RCAN2: variants seen among roughly 807,000 people sequenced by gnomAD.
The protein encoded by RCAN2 is regulator of calcineurin 2.
RCAN2 carries 9 observed loss-of-function variants against 23.6 expected under a neutral mutation model. The ratio of observed to expected loss-of-function variants is 0.38; its 90% CI spans 0.23 to 0.67. The LOEUF (loss-of-function observed/expected upper bound fraction) is 0.67. Among genes scored for constraint, RCAN2 ranks in the 30% least tolerant of loss-of-function variants. The pLI, the probability that RCAN2 is intolerant of heterozygous loss-of-function variation, is 0.51. For missense variants in RCAN2, 273 were observed against 302.3 expected, an observed-to-expected ratio of 0.90 and a Z score of 0.72; for synonymous variants, 109 against 115.7, an observed-to-expected ratio of 0.94 and a Z score of 0.37.
At chr6:46,301,770 T>C (rs1762909916) in intron 2 of RCAN2, among the ~76,000 whole-genome samples, 1 of 151,898 alleles carries the variant, frequency 6.6e-6, no homozygotes, top group Admixed American at 6.6e-5. Context: ...CATAGAAAAT[T>C]AAAGGCAGAT....
intron 2 of RCAN2, among the ~76,000 whole-genome samples, chr6:46,252,157 A>G (rs1766752725): frequency 6.6e-6 from 1 of 152,172 alleles, no homozygotes; most frequent in Admixed American, 6.5e-5. Flanking sequence ...GCAACAAGAT[A>G]CCAGACCAAA....
At chr6:46,235,869 C>A (rs1332794313) in intron 4 of RCAN2, among the ~76,000 whole-genome samples, 1 of 152,180 alleles carries the variant, frequency 6.6e-6, no homozygotes, top group Non-Finnish European at 1.5e-5. Context: ...CAGAATAAGC[C>A]ACCTAAGACA....
chr6:46,413,038 A>C (rs1210688737), intron 2 of RCAN2, among the ~76,000 whole-genome samples: 7 of 152,240 alleles, frequency 4.6e-5, no homozygotes, highest in African/African-American at 1.7e-4. Flanking sequence ...ATTGTCTTTA[A>C]TCAAAGTTGT....
chr6:46,484,152 T>C (rs1173231373), intron 1 of RCAN2, among the ~76,000 whole-genome samples: 5 of 152,192 alleles, frequency 3.3e-5, no homozygotes, highest in African/African-American at 1.2e-4. Flanking sequence ...GACAAATTTA[T>C]GGGGGAAAAT....
At chr6:46,288,777 A>C (rs1762450112) in intron 2 of RCAN2, among the ~76,000 whole-genome samples, 1 of 152,222 alleles carries the variant, frequency 6.6e-6, no homozygotes, top group African/African-American at 2.4e-5. Context: ...CCCAGTTCTA[A>C]TGACATAGCC....
chr6:46,354,895 ATATGTGTGTGTG>A (rs1046898087), intron 2 of RCAN2, among the ~76,000 whole-genome samples: 22 of 136,216 alleles, frequency 1.6e-4, no homozygotes, highest in African/African-American at 6.1e-4. Context: ...AAAAGATTAT[ATATGTGTGTGTG>A]TGTGTGTGTG....
At chr6:46,409,511 A>G (rs866850348) in intron 2 of RCAN2, among the ~76,000 whole-genome samples, 6 of 152,212 alleles carry the variant, frequency 3.9e-5, no homozygotes, top group Non-Finnish European at 7.3e-5. Context: ...CACATTGTCA[A>G]GAGAGTACAG....
chr6:46,414,128 G>A (rs1401441520), intron 2 of RCAN2, among the ~76,000 whole-genome samples: 1 of 152,154 alleles, frequency 6.6e-6, no homozygotes, highest in Non-Finnish European at 1.5e-5. Flanking sequence ...GGCCAGTGAG[G>A]AGACTGAGGT....
chr6:46,480,305 TGTGGG>T (rs1768824152), intron 1 of RCAN2, among the ~76,000 whole-genome samples: 1 of 152,218 alleles, frequency 6.6e-6, no homozygotes, highest in African/African-American at 2.4e-5. Context: ...TGTGATAACA[TGTGGG>T]GTCTTTAGCC....
At chr6:46,388,975 AAAAAG>A in intron 2 of RCAN2, among the ~76,000 whole-genome samples, 1 of 152,328 alleles carries the variant, frequency 6.6e-6, no homozygotes, top group East Asian at 1.9e-4. Flanking sequence ...AAACTTTTAA[AAAAAG>A]AAGAGATGTA....
At chr6:46,365,392 C>T (rs1211075468) in intron 2 of RCAN2, among the ~76,000 whole-genome samples, 1 of 151,552 alleles carries the variant, frequency 6.6e-6, no homozygotes, top group Non-Finnish European at 1.5e-5. Flanking sequence ...GAGAGAATCG[C>T]TTGAATCTGG....
chr6:46,388,288 A>T lies in RCAN2; in HGVS notation c.225+68464T>A, dbSNP rs185994528. On this transcript the variant is annotated intron_variant, in intron 2 of 4. Coordinates refer to ENST00000371374, the MANE Select transcript of RCAN2 (RefSeq NM_001251974.2). Reference sequence around the variant, plus strand: ...AATAATAATAAAATAAATAAATTTTAAAAAAAAGAAACAACAGATGTCAGC... The same window carrying T: ...AATAATAATAAAATAAATAAATTTTTAAAAAAAGAAACAACAGATGTCAGC... 7.5e-3 allele frequency among the ~76,000 whole-genome samples: 1,132 copies of T among 151,788 alleles called. 8 individuals are homozygous for T. The highest frequency in any genetic ancestry group is 0.013 in the Non-Finnish European group (876 of 67,916).
At chr6:46,273,609 T>C (rs955625154) in intron 2 of RCAN2, among the ~76,000 whole-genome samples, 3 of 152,106 alleles carry the variant, frequency 2.0e-5, no homozygotes, top group African/African-American at 4.8e-5. Context: ...CTTTATCACA[T>C]GAGAAAAAAA....
chr6:46,403,190 C>G (rs1052466442), intron 2 of RCAN2, among the ~76,000 whole-genome samples: 1 of 152,080 alleles, frequency 6.6e-6, no homozygotes, highest in Non-Finnish European at 1.5e-5. Context: ...TGGTCTCAAT[C>G]TCCTGACCTT....
chr6:46,265,569 A>G (rs1767295520), intron 2 of RCAN2, among the ~76,000 whole-genome samples: 2 of 152,172 alleles, frequency 1.3e-5, no homozygotes, highest in South Asian at 4.1e-4. Flanking sequence ...TCTTGGGCAC[A>G]CTGGTTATGT....
chr6:46,448,577 C>A (rs1163751451), intron 2 of RCAN2, among the ~76,000 whole-genome samples: 1 of 151,794 alleles, frequency 6.6e-6, no homozygotes, highest in Non-Finnish European at 1.5e-5. Flanking sequence ...CAAAAATCAT[C>A]CACAAAATAC....
At chr6:46,408,474 T>C (rs1766468210) in intron 2 of RCAN2, among the ~76,000 whole-genome samples, 2 of 152,312 alleles carry the variant, frequency 1.3e-5, no homozygotes, top group East Asian at 1.9e-4. Flanking sequence ...CCTTCACATA[T>C]AGAAGATTCT....
chr6:46,257,191 G>C (rs1032851252), intron 2 of RCAN2, among the ~76,000 whole-genome samples: 2 of 152,074 alleles, frequency 1.3e-5, no homozygotes, highest in African/African-American at 2.4e-5. Flanking sequence ...TGCTCAATAT[G>C]TTCTATTTGG....
intron 2 of RCAN2, among the ~76,000 whole-genome samples, chr6:46,256,760 G>T (rs1766930755): frequency 6.6e-6 from 1 of 152,116 alleles, no homozygotes; most frequent in Non-Finnish European, 1.5e-5. Context: ...ATAAAATAAA[G>T]TAAAATGGAA....
Sources: allele counts gnomAD v4.1 joint callset (sites outside exome capture counted in the v4.1 genomes callset), GRCh38; gene constraint gnomAD v4.1.1; transcripts MANE v1.5; gene names NCBI Gene and HGNC (gene_info 2026-07-23, HGNC 2026-07-21).